The following COG5 variants were observed in gnomAD, a reference collection of about 807,000 sequenced individuals.
The protein encoded by COG5 is component of oligomeric golgi complex 5, also known as conserved oligomeric Golgi complex subunit 5.
Under a neutral mutation model 110.4 loss-of-function variants are expected in COG5, and 86 were observed. The ratio of observed to expected loss-of-function variants is 0.78; its 90% CI spans 0.65 to 0.93. COG5 has a LOEUF of 0.93. COG5 is among the 40% of genes least tolerant of loss of function. The pLI is 0.00. For synonymous variants in COG5, 360 were observed against 334.6 expected, an observed-to-expected ratio of 1.08 and a Z score of -0.83; for missense variants, 1,077 against 987.0, an observed-to-expected ratio of 1.09 and a Z score of -1.22.
At chr7:107,344,803 C>T (rs1326026010) in intron 10 of COG5, among the ~76,000 whole-genome samples, 1 of 152,168 alleles carries the variant, frequency 6.6e-6, no homozygotes, top group Non-Finnish European at 1.5e-5. Flanking sequence ...GGATTACAGG[C>T]GTGACCCACC....
At chr7:107,503,460 G>A (rs935249840) in intron 6 of COG5, among the ~76,000 whole-genome samples, 1 of 152,020 alleles carries the variant, frequency 6.6e-6, no homozygotes, top group Admixed American at 6.5e-5. Flanking sequence ...TGTTCTTTTT[G>A]CTTAGGATTG....
chr7:107,425,067 C>A (rs1033358772), intron 6 of COG5, among the ~76,000 whole-genome samples: 1 of 152,036 alleles, frequency 6.6e-6, no homozygotes, highest in African/African-American at 2.4e-5. Flanking sequence ...TAACATTTCC[C>A]ACATCTATTT....
intron 11 of COG5, among the ~76,000 whole-genome samples, chr7:107,316,185 AGTTTT>A (rs1421385240): frequency 1.3e-5 from 2 of 152,212 alleles, no homozygotes; most frequent in Admixed American, 1.3e-4. Context: ...GGAACTTTCT[AGTTTT>A]GTTTTATTTT....
chr7:107,390,873 G>A (rs1790574205), intron 7 of COG5, among the ~76,000 whole-genome samples: 2 of 151,396 alleles, frequency 1.3e-5, no homozygotes, highest in African/African-American at 4.9e-5. Flanking sequence ...TTTCAGTCAG[G>A]ATGGTGGGAA....
At chr7:107,341,340 T>C (rs796330466) in intron 10 of COG5, among the ~76,000 whole-genome samples, 13 of 151,950 alleles carry the variant, frequency 8.6e-5, no homozygotes, top group African/African-American at 3.1e-4. Context: ...AAGATCTCCA[T>C]AAGATATACA....
At chr7:107,517,556 C>T (rs1055450417) in intron 6 of COG5, among the ~76,000 whole-genome samples, 5 of 151,908 alleles carry the variant, frequency 3.3e-5, no homozygotes, top group Admixed American at 3.3e-4. Context: ...AGATTCTTCA[C>T]GGTTGAATTG....
chr7:107,539,685 T>A (rs1255499082), intron 5 of COG5, among the ~76,000 whole-genome samples: 2 of 152,188 alleles, frequency 1.3e-5, no homozygotes, highest in Non-Finnish European at 2.9e-5. Flanking sequence ...TAAAAACCCC[T>A]AAACTGTACA....
intron 7 of COG5, among the ~76,000 whole-genome samples, chr7:107,411,998 T>A (rs1007612744): frequency 6.6e-6 from 1 of 152,114 alleles, no homozygotes; most frequent in African/African-American, 2.4e-5. Flanking sequence ...AAATGTCAAG[T>A]CAAAAATTTT....
intron 6 of COG5, among the ~76,000 whole-genome samples, chr7:107,458,595 G>A (rs922708258): frequency 4.1e-4 from 63 of 152,152 alleles, no homozygotes; most frequent in African/African-American, 1.4e-3. Context: ...TGGCTCACAT[G>A]TGTAATCCCA....
chr7:107,553,796 C>T (rs1477624876), intron 3 of COG5, among the ~76,000 whole-genome samples: 1 of 152,132 alleles, frequency 6.6e-6, no homozygotes, highest in Admixed American at 6.5e-5. Context: ...AAAATTCATG[C>T]CTTCTTCCAC....
At chr7:107,230,329 G>A (rs1016569265) in intron 19 of COG5, among the ~76,000 whole-genome samples, 15 of 151,352 alleles carry the variant, frequency 9.9e-5, no homozygotes, top group Admixed American at 7.2e-4. Flanking sequence ...TATAAGAATC[G>A]GAAGCTAAAA....
chr7:107,431,470 A>G (rs773830334), intron 6 of COG5, among the ~76,000 whole-genome samples: 1 of 152,156 alleles, frequency 6.6e-6, no homozygotes, highest in Non-Finnish European at 1.5e-5. Context: ...TATTCTTTCA[A>G]CTTTTCTCTA....
rs1186377118 is a variant in COG5, at chr7:107,295,066, CATATATATATATATAT to C, written c.1313+3060_1313+3075del. Among the ~76,000 whole-genome samples the C allele has an allele frequency of 4.0e-3, 185 of 45,840 alleles. 2 individuals carry two copies. The highest frequency in any genetic ancestry group is 0.016 in the African/African-American group (176 of 11,092). 30.1% of individuals were successfully genotyped at this position (45,840 alleles called of 152,430 possible). A position where few individuals can be genotyped will look rare whatever the true frequency, so the allele number is the denominator to read the frequency against. ...ACACACACACACACACACACACACA[CATATATATATATATAT>C]ATATATATATATATATATATTTTTT... On this transcript the variant is annotated intron_variant, in intron 12 of 21. Coordinates refer to ENST00000297135, the MANE Select transcript of COG5 (RefSeq NM_006348.5).
chr7:107,382,641 G>A (rs1815225140), intron 7 of COG5, among the ~76,000 whole-genome samples: 1 of 152,074 alleles, frequency 6.6e-6, no homozygotes, highest in African/African-American at 2.4e-5. Flanking sequence ...GTTTCACCAT[G>A]TTGGCCAGGC....
chr7:107,452,221 A>T (rs1795383392), intron 6 of COG5, among the ~76,000 whole-genome samples: 1 of 152,142 alleles, frequency 6.6e-6, no homozygotes, highest in Non-Finnish European at 1.5e-5. Context: ...CAATATTCCA[A>T]TCCATTTGAC....
At chr7:107,458,877 T>C (rs1282240853) in intron 6 of COG5, among the ~76,000 whole-genome samples, 1 of 151,798 alleles carries the variant, frequency 6.6e-6, no homozygotes, top group Admixed American at 6.6e-5. Context: ...ACATTATATG[T>C]ATATATAACA....
At chr7:107,276,827 T>C (rs559981696) in intron 14 of COG5, among the ~76,000 whole-genome samples, 8 of 152,350 alleles carry the variant, frequency 5.3e-5, no homozygotes, top group Admixed American at 4.6e-4. Context: ...ATTTGAAACA[T>C]AAAATTCTTA....
chr7:107,427,499 C>T (rs1793723232), intron 6 of COG5, among the ~76,000 whole-genome samples: 1 of 152,008 alleles, frequency 6.6e-6, no homozygotes, highest in Non-Finnish European at 1.5e-5. Context: ...AAAAGATGTA[C>T]TGAAGTCTTA....
intron 14 of COG5, among the ~76,000 whole-genome samples, chr7:107,268,706 A>G (rs186440508): frequency 9.9e-4 from 150 of 152,284 alleles, no homozygotes; most frequent in African/African-American, 3.4e-3. Flanking sequence ...ACCTTCCTGT[A>G]AATTGTTCCT....
Sources: allele counts gnomAD v4.1 joint callset (sites outside exome capture counted in the v4.1 genomes callset), GRCh38; gene constraint gnomAD v4.1.1; transcripts MANE v1.5; gene names NCBI Gene and HGNC (gene_info 2026-07-23, HGNC 2026-07-21).